Variants in ARHGEF10L observed in about 807,000 individuals in gnomAD.
The protein encoded by ARHGEF10L is rho guanine nucleotide exchange factor 10-like protein.
A neutral mutation model predicts 141.2 loss-of-function variants in ARHGEF10L; 69 were observed. The observed-to-expected ratio is 0.49, with a 90% confidence interval of 0.40 to 0.60. The LOEUF is 0.60. Among genes scored for constraint, ARHGEF10L ranks in the 20% least tolerant of loss-of-function variants. The pLI is 0.00. For synonymous variants in ARHGEF10L, 711 were observed against 718.5 expected (o/e 0.99, Z 0.17); for missense variants, 1,482 against 1,734.3 (o/e 0.85, Z 2.58).
At position 17,619,834 on chromosome 1, in the gene ARHGEF10L, T is replaced by G. The variant is rs2060009300; in HGVS notation, c.942+389T>G. Among the ~76,000 whole-genome samples, 1 of 152,128 alleles carries G rather than the reference T, an allele frequency of 6.6e-6. No homozygotes were observed. ...GCCCAGTCCCTGCCATCTGTCCACC[T>G]GTCCTCACCCTGGGCCTCAGAGCTG... On this transcript the variant is annotated intron_variant, in intron 10 of 28. Transcript: ENST00000361221. This position sits in a 1 kb window ranked among gnomAD's most constrained non-coding sequence, Gnocchi z 5.0.
chr1:17,612,684 G>T (rs2059610547), intron 7 of ARHGEF10L, among the ~76,000 whole-genome samples: 1 of 152,166 alleles, frequency 6.6e-6, no homozygotes, highest in South Asian at 2.1e-4. Context: ...TATGTTACAA[G>T]CCCTGTGCTG....
rs1446631896 is a variant in ARHGEF10L, at chr1:17,673,421, C to T, written c.3009+8826C>T. Among the ~76,000 whole-genome samples, 2 of 152,310 alleles carry T rather than the reference C, an allele frequency of 1.3e-5. No homozygotes were observed. The highest frequency in any genetic ancestry group is 2.1e-4 in the South Asian group (1 of 4,824). On this transcript the variant is annotated intron_variant, in intron 26 of 28. Transcript: ENST00000361221. The surrounding 1 kb of genome is among the most constrained non-coding windows in gnomAD (Gnocchi z 4.1). ...GGCAAGGAACAAATAGAGCCATGGA[C>T]ATGGATCCGCTGAATGTCAGCTGCT...
chr1:17,540,435 A>G (rs2100590385), intron 1 of ARHGEF10L, among the ~76,000 whole-genome samples: 1 of 152,108 alleles, frequency 6.6e-6, no homozygotes, highest in East Asian at 2.0e-4. Flanking sequence ...GGCCTCCTGC[A>G]GGAGGAGACT....
Position 17,578,425 on chromosome 1 carries a change from C to A in ARHGEF10L, c.-43-2128C>A, listed in dbSNP as rs140302487. On this transcript the variant is annotated intron_variant, in intron 1 of 28. Transcript: ENST00000361221. The stretch of plus-strand genomic sequence containing the variant: ...TGCAGGCAGGTGTCAGGGTTCACAT[C>A]TGTGATCCCAGCACTTGTTGAGGTC... Among the ~76,000 whole-genome samples, 483 of 152,354 alleles carry A rather than the reference C, an allele frequency of 3.2e-3. 2 individuals carry two copies. Among genetic ancestry groups the A allele is most frequent in the African/African-American group, 0.011 (446 of 41,578 alleles).
At chr1:17,524,028 C>T in the ARHGEF10L span, among the ~76,000 whole-genome samples, 1 of 152,164 alleles carries the variant, frequency 6.6e-6, no homozygotes, top group African/African-American at 2.4e-5. Flanking sequence ...AATCCCAGCA[C>T]TTTGGGAGGC....
chr1:17,593,187 G>T (rs962155145), intron 4 of ARHGEF10L, among the ~76,000 whole-genome samples: 1 of 152,192 alleles, frequency 6.6e-6, no homozygotes, highest in Non-Finnish European at 1.5e-5. Context: ...TCCCTGCAGC[G>T]GTGGGACTCT....
In ARHGEF10L at chr1:17,697,122, G is replaced by A. The variant is rs148452069; in HGVS notation, c.3582G>A (p.Ala1194=). The change falls in exon 29 of 29, where the codon GCG becomes GCA. Residue 1194 remains alanine, a synonymous_variant. Coordinates refer to ENST00000361221, the MANE Select transcript of ARHGEF10L (RefSeq NM_018125.4). This position sits in a 1 kb window ranked among gnomAD's most constrained non-coding sequence, Gnocchi z 4.8. ...PGPLLSMREP[A]PADGAALEHS... ...CGCTGCTCTCCATGCGGGAGCCGGCGCCTGCTGATGGCGCAGCTTTGGAGC... is the reference window on the plus strand; with the variant it reads ...CGCTGCTCTCCATGCGGGAGCCGGCACCTGCTGATGGCGCAGCTTTGGAGC... The A allele has an allele frequency of 2.6e-4, 426 of 1,610,496 alleles. No individual in the cohort carries two copies. In the African/African-American group the frequency reaches 4.9e-3, roughly 18 times the overall value.
At chr1:17,629,420 G>A (rs2060557566) in intron 15 of ARHGEF10L, among the ~76,000 whole-genome samples, 1 of 152,174 alleles carries the variant, frequency 6.6e-6, no homozygotes, top group Non-Finnish European at 1.5e-5. Flanking sequence ...TCCTGGGAGG[G>A]TAGGAAGAGC....
chr1:17,547,631 G>T (rs925080077), intron 1 of ARHGEF10L, among the ~76,000 whole-genome samples: 5 of 152,120 alleles, frequency 3.3e-5, no homozygotes, highest in African/African-American at 1.2e-4. Flanking sequence ...GAAAATAACA[G>T]TCTCCCGAAA....
chr1:17,696,687 C>T (rs527656038), intron 28 of ARHGEF10L, among the ~76,000 whole-genome samples, 161 bp from the exon 29 acceptor site: 4 of 152,274 alleles, frequency 2.6e-5, no homozygotes, highest in African/African-American at 7.2e-5. Flanking sequence ...TGCAGGAGCA[C>T]GGGATAGCCA....
intron 26 of ARHGEF10L, among the ~76,000 whole-genome samples, chr1:17,680,215 G>A (rs2064011787): frequency 6.6e-6 from 1 of 152,162 alleles, no homozygotes; most frequent in African/African-American, 2.4e-5. Flanking sequence ...CCTGACACAC[G>A]GTGGGTACCT....
intron 26 of ARHGEF10L, among the ~76,000 whole-genome samples, chr1:17,670,155 C>T (rs1468908787): frequency 6.6e-6 from 1 of 152,266 alleles, no homozygotes; most frequent in Non-Finnish European, 1.5e-5. Context: ...GGGTGGGGCG[C>T]CTGAGCTGAA....
intron 22 of ARHGEF10L, among the ~76,000 whole-genome samples, chr1:17,650,512 C>T (rs2061853907): frequency 6.6e-6 from 1 of 152,050 alleles, no homozygotes; most frequent in Non-Finnish European, 1.5e-5. Flanking sequence ...GCAGGTGGAT[C>T]ACTTGAGGTC....
At chr1:17,695,728 GACA>G (rs2065447964) in intron 28 of ARHGEF10L, among the ~76,000 whole-genome samples, 1 of 152,198 alleles carries the variant, frequency 6.6e-6, no homozygotes. Flanking sequence ...CTGGGCCCAG[GACA>G]ACAAGGGCAG....
At chr1:17,560,935 C>T (rs561044771) in intron 1 of ARHGEF10L, among the ~76,000 whole-genome samples, 37 of 152,318 alleles carry the variant, frequency 2.4e-4, no homozygotes, top group African/African-American at 8.7e-4. Context: ...AGTTTCTGTC[C>T]TCTGGGAGCT....
At chr1:17,622,104 C>A (rs946230263) in intron 11 of ARHGEF10L, among the ~76,000 whole-genome samples, 163 bp downstream of exon 11, 2 of 152,306 alleles carry the variant, frequency 1.3e-5, no homozygotes, top group Middle Eastern at 6.8e-3. Context: ...ATGTAGGCAG[C>A]AAGAATTCCT....
intron 21 of ARHGEF10L, among the ~76,000 whole-genome samples, chr1:17,646,270 G>A (rs987056385): frequency 3.3e-5 from 5 of 152,208 alleles, no homozygotes; most frequent in Admixed American, 3.3e-4. Context: ...ACGGCATGAG[G>A]GCTGCTCTCA....
intron 3 of ARHGEF10L, among the ~76,000 whole-genome samples, 188 bp from the exon 4 acceptor site, chr1:17,588,258 G>C (rs762594203): frequency 6.1e-5 from 9 of 148,226 alleles, no homozygotes; most frequent in Non-Finnish European, 1.2e-4. Context: ...TGGGGGTGGT[G>C]CAGGCCAGGT....
chr1:17,561,589 C>T (rs1055202975), intron 1 of ARHGEF10L, among the ~76,000 whole-genome samples: 3 of 152,208 alleles, frequency 2.0e-5, no homozygotes, highest in Non-Finnish European at 1.5e-5. Flanking sequence ...GCCAGGCTGA[C>T]CCCCAGCCTG....
Sources: allele counts gnomAD v4.1 joint callset (sites outside exome capture counted in the v4.1 genomes callset), GRCh38; gene constraint gnomAD v4.1.1; non-coding constraint Gnocchi (gnomAD v3.1); transcripts MANE v1.5; gene names NCBI Gene and HGNC (gene_info 2026-07-23, HGNC 2026-07-21).